Variants in DAB1 observed in about 807,000 individuals in gnomAD.
The protein encoded by DAB1 is DAB adaptor protein 1, also known as disabled homolog 1.
In DAB1, 15 loss-of-function variants were observed where a neutral mutation model predicts 64.6. The ratio of observed to expected loss-of-function variants is 0.23; its 90% CI spans 0.16 to 0.36. The LOEUF (loss-of-function observed/expected upper bound fraction) is 0.36. DAB1 is among the 10% of genes least tolerant of loss of function. DAB1 has a pLI of 1.00. For synonymous variants in DAB1, 235 were observed against 251.9 expected (o/e 0.93, Z 0.64); for missense variants, 596 against 706.7 (o/e 0.84, Z 1.78).
At chr1:57,470,428 A>G (rs776885198) in intron 7 of DAB1, among the ~76,000 whole-genome samples, 7 of 152,208 alleles carry the variant, frequency 4.6e-5, no homozygotes, top group Non-Finnish European at 8.8e-5. Flanking sequence ...AAAATCCTAC[A>G]ATTTAAAGTG....
chr1:58,517,623 AAATT>A lies in DAB1; in HGVS notation n.107+9634_107+9637del, dbSNP rs140191321. Among the ~76,000 whole-genome samples the A allele has an allele frequency of 5.4e-3, 822 of 152,346 alleles. 4 individuals are homozygous for A. The highest frequency in any genetic ancestry group is 0.019 in the African/African-American group (788 of 41,580). ...ATTCATAATACTTCAAACTTTGTTA[AAATT>A]ATTTATTAAATTTCTGTCTCTTGAA... is the stretch of plus-strand genomic sequence containing the variant. On this transcript the variant is annotated intron_variant and non_coding_transcript_variant, in intron 2 of 20. Coordinates refer to the DAB1 transcript ENST00000485760.
chr1:58,419,199 G>A (rs1303853855), intron 3 of DAB1, among the ~76,000 whole-genome samples: 2 of 152,136 alleles, frequency 1.3e-5, no homozygotes, highest in Non-Finnish European at 2.9e-5. Flanking sequence ...ACCTCCCCAT[G>A]AGTTCCTTGT....
chr1:58,215,463 A>C (rs1658802164), intron 4 of DAB1, among the ~76,000 whole-genome samples: 1 of 151,116 alleles, frequency 6.6e-6, no homozygotes. Flanking sequence ...TATGTATTAG[A>C]TGTTCACTGT....
At chr1:57,845,270 G>A (rs1653229563) in intron 1 of DAB1, among the ~76,000 whole-genome samples, 1 of 152,192 alleles carries the variant, frequency 6.6e-6, no homozygotes, top group South Asian at 2.1e-4. Flanking sequence ...TGATTAAACT[G>A]TGAAGTGTTT....
intron 5 of DAB1, among the ~76,000 whole-genome samples, chr1:57,945,522 CTCCCATCTTGGCT>C (rs1189905017): frequency 1.3e-5 from 2 of 151,910 alleles, no homozygotes; most frequent in Non-Finnish European, 2.9e-5. Flanking sequence ...TCAAGCAATC[CTCCCATCTTGGCT>C]TCCCAAAGTG....
At chr1:57,401,780 C>G (rs1683263318) in intron 1 of DAB1, among the ~76,000 whole-genome samples, 2 of 152,156 alleles carry the variant, frequency 1.3e-5, no homozygotes, top group Non-Finnish European at 2.9e-5. Context: ...TCCTAGGACT[C>G]TCTGCTACAC....
intron 6 of DAB1, among the ~76,000 whole-genome samples, chr1:57,774,340 C>T (rs964553524): frequency 6.6e-6 from 1 of 151,696 alleles, no homozygotes; most frequent in African/African-American, 2.4e-5. Context: ...CCTCTTAATT[C>T]CAGTACATTT....
In DAB1 at chr1:57,215,539, G is replaced by A. The variant is rs78348914; in HGVS notation, c.68-70110C>T. 2.0e-3 allele frequency among the ~76,000 whole-genome samples: 306 copies of A among 152,298 alleles called. 2 individuals carry two copies. Among genetic ancestry groups the A allele is most frequent in the Non-Finnish European group, 3.5e-3 (237 of 68,032 alleles). On this transcript the variant is annotated intron_variant, in intron 2 of 14. Coordinates refer to ENST00000371236, the MANE Select transcript of DAB1 (RefSeq NM_001365792.1). ...TTGAGTTTGAAAAAAACGTCTTTGT[G>A]TTGGACCGTGAATTTTGTGTTCAAG...
intron 5 of DAB1, among the ~76,000 whole-genome samples, chr1:58,088,806 A>C (rs1650469565): frequency 6.6e-6 from 1 of 152,180 alleles, no homozygotes; most frequent in Admixed American, 6.5e-5. Flanking sequence ...TGGAGGTGAC[A>C]GTCAGACATC....
chr1:57,734,580 C>A (rs1467451004), intron 6 of DAB1, among the ~76,000 whole-genome samples: 2 of 152,126 alleles, frequency 1.3e-5, no homozygotes, highest in African/African-American at 4.8e-5. Context: ...TTTCATAATA[C>A]CTTTTTTACC....
At chr1:57,779,013 G>A (rs1477390108) in intron 6 of DAB1, among the ~76,000 whole-genome samples, 1 of 151,908 alleles carries the variant, frequency 6.6e-6, no homozygotes, top group Non-Finnish European at 1.5e-5. Context: ...CAAAGACCAA[G>A]GAAGTCCCTG....
chr1:58,538,459 C>T lies in DAB1; in HGVS notation n.32+8244G>A, dbSNP rs192845951. ...TAAGTGATAACCAGCACTTCTGATC[C>T]ATATATCCTAAGATTTTGTAGTCAT... On this transcript the variant is annotated intron_variant and non_coding_transcript_variant, in intron 1 of 20. Coordinates refer to the DAB1 transcript ENST00000485760. Among the ~76,000 whole-genome samples, 278 of 152,116 alleles carry T rather than the reference C, an allele frequency of 1.8e-3. 1 individual carries two copies. The highest frequency in any genetic ancestry group is 3.3e-3 in the Admixed American group (50 of 15,284).
intron 6 of DAB1, among the ~76,000 whole-genome samples, chr1:57,747,745 C>T (rs1396271939): frequency 7.4e-6 from 1 of 134,414 alleles, no homozygotes; most frequent in Non-Finnish European, 1.5e-5. Context: ...GGAGGCTGAG[C>T]TTGCAGTGAG....
chr1:58,401,004 T>G (rs1287680824), intron 3 of DAB1, among the ~76,000 whole-genome samples: 1 of 152,186 alleles, frequency 6.6e-6, no homozygotes, highest in Non-Finnish European at 1.5e-5. Flanking sequence ...GTGCTGCATT[T>G]GAAACCCAGC....
intron 7 of DAB1, among the ~76,000 whole-genome samples, chr1:57,614,249 A>T (rs1044022032): frequency 6.6e-6 from 1 of 152,244 alleles, no homozygotes; most frequent in Non-Finnish European, 1.5e-5. Flanking sequence ...TGTTCACAGC[A>T]AATTCAAAGT....
At chr1:57,033,617 C>A in intron 9 of DAB1, 1 of 1,552,638 alleles carries the variant, frequency 6.4e-7, no homozygotes, top group Non-Finnish European at 8.8e-7. Context: ...GTGAATGACA[C>A]ACAAATGACA....
intron 3 of DAB1, among the ~76,000 whole-genome samples, chr1:58,484,281 T>A (rs1557435480): frequency 6.6e-6 from 1 of 152,130 alleles, no homozygotes; most frequent in Non-Finnish European, 1.5e-5. Context: ...AACTTTTCTT[T>A]AAAAAAATCT....
At chr1:57,725,377 G>A (rs753277701) in intron 6 of DAB1, among the ~76,000 whole-genome samples, 25 of 152,262 alleles carry the variant, frequency 1.6e-4, no homozygotes, top group East Asian at 1.5e-3. Flanking sequence ...CCACCAACCC[G>A]GAGTCGTGAT....
chr1:58,237,882 T>C (rs1660118024), intron 4 of DAB1, among the ~76,000 whole-genome samples: 1 of 152,240 alleles, frequency 6.6e-6, no homozygotes, highest in African/African-American at 2.4e-5. Context: ...GATAATCTTA[T>C]CATAATCAAA....
Sources: gnomAD v4.1 joint callset for allele counts (sites outside exome capture counted in the v4.1 genomes callset) on GRCh38, gnomAD v4.1.1 for gene constraint, MANE v1.5 for transcripts, NCBI Gene and HGNC (gene_info 2026-07-23, HGNC 2026-07-21) for gene names.